RHOBTB1: variants seen among roughly 807,000 people sequenced by gnomAD.
The protein encoded by RHOBTB1 is Rho related BTB domain containing 1, also known as rho-related BTB domain-containing protein 1.
Under a neutral mutation model 71.6 loss-of-function variants are expected in RHOBTB1, and 40 were observed. The observed-to-expected ratio is 0.56, with a 90% CI of 0.43 to 0.73. The LOEUF is 0.73. Among genes scored for constraint, RHOBTB1 ranks in the 30% least tolerant of loss-of-function variants. The probability of loss-of-function intolerance (pLI) is 0.00; values close to 1 mark genes in which losing one functional copy is unlikely to be tolerated. For synonymous variants in RHOBTB1, 319 were observed against 334.9 expected, an observed-to-expected ratio of 0.95 and a Z score of 0.52; for missense variants, 797 against 894.0, an observed-to-expected ratio of 0.89 and a Z score of 1.38.
chr10:60,968,877 CA>C (rs2086061183), intron 2 of RHOBTB1, among the ~76,000 whole-genome samples: 1 of 152,014 alleles, frequency 6.6e-6, no homozygotes, highest in Non-Finnish European at 1.5e-5. Flanking sequence ...AGCGAGACAT[CA>C]GGGGTGTTGG....
chr10:60,938,723 T>C (rs1049672168), intron 2 of RHOBTB1, among the ~76,000 whole-genome samples: 1 of 152,150 alleles, frequency 6.6e-6, no homozygotes, highest in Non-Finnish European at 1.5e-5. Context: ...AAGTGTTGTT[T>C]TTTTGGAGGG....
intron 2 of RHOBTB1, among the ~76,000 whole-genome samples, chr10:60,931,875 T>G (rs1338883299): frequency 6.6e-6 from 1 of 152,062 alleles, no homozygotes; most frequent in Non-Finnish European, 1.5e-5. Flanking sequence ...CACATACAAT[T>G]CTACCTCAAA....
At chr10:60,978,760 T>A (rs2086397361) in intron 2 of RHOBTB1, among the ~76,000 whole-genome samples, 1 of 152,208 alleles carries the variant, frequency 6.6e-6, no homozygotes, top group African/African-American at 2.4e-5. Context: ...TTTCTTTTTT[T>A]AATAGAGCAT....
rs571310374 is a variant in RHOBTB1, at chr10:60,871,302, T to C, written c.*180A>G. The C allele has an allele frequency of 3.5e-6, 2 of 564,464 alleles. No individual in the cohort carries two copies. The highest frequency in any genetic ancestry group is 6.1e-6 in the Non-Finnish European group (2 of 330,496). The allele number at this position is 564,464 out of a possible 1,614,324, so 35.0% of individuals were successfully genotyped here. A position where few individuals can be genotyped will look rare whatever the true frequency, so the allele number is the denominator to read the frequency against. ...AGCTTCCCTTTTTGTCCAGGCTCAT[T>C]GATGGTGAGCTTGTGCTTTGATCCT... On this transcript the variant is annotated 3_prime_UTR_variant, in exon 11 of 11. Coordinates refer to ENST00000337910, the MANE Select transcript of RHOBTB1 (RefSeq NM_014836.5).
intron 7 of RHOBTB1, 101 bp downstream of exon 7, chr10:60,886,011 T>A: frequency 1.2e-6 from 1 of 829,562 alleles, no homozygotes; most frequent in Non-Finnish European, 2.1e-6. Flanking sequence ...ATGGAGCCAG[T>A]TTAAGGATTA....
chr10:60,997,729 G>A (rs575617824), intron 1 of RHOBTB1, among the ~76,000 whole-genome samples: 38 of 152,164 alleles, frequency 2.5e-4, no homozygotes, highest in Non-Finnish European at 4.6e-4. Context: ...ATGTGTCACC[G>A]AAGTTTATAG....
intron 5 of RHOBTB1, among the ~76,000 whole-genome samples, chr10:60,892,272 G>A (rs1455550611): frequency 6.6e-6 from 1 of 152,126 alleles, no homozygotes; most frequent in East Asian, 1.9e-4. Flanking sequence ...CATTTAAAAA[G>A]TAGTAACTGT....
intron 2 of RHOBTB1, among the ~76,000 whole-genome samples, chr10:60,955,991 T>C (rs1436147099): frequency 2.0e-5 from 3 of 152,220 alleles, no homozygotes; most frequent in Admixed American, 1.3e-4. Context: ...AATAGTCTGG[T>C]AATACAGTCA....
At chr10:60,906,744 A>T (rs2082698969) in intron 4 of RHOBTB1, among the ~76,000 whole-genome samples, 1 of 152,188 alleles carries the variant, frequency 6.6e-6, no homozygotes, top group Non-Finnish European at 1.5e-5. Flanking sequence ...CATAGGCTTT[A>T]TTCAGTGTCT....
At position 60,966,304 on chromosome 10, in the gene RHOBTB1, GA is replaced by G. The variant is rs143857492; in HGVS notation, c.-62+19540del. 3.8e-3 allele frequency among the ~76,000 whole-genome samples: 529 copies of G among 137,760 alleles called. 2 individuals are homozygous for G. Among genetic ancestry groups the G allele is most frequent in the African/African-American group, 8.8e-3 (333 of 37,642 alleles). The allele number at this position is 137,760 out of a possible 152,430, so 90.4% of individuals were successfully genotyped here. On this transcript the variant is annotated intron_variant, in intron 2 of 11. Transcript: ENST00000357917. The stretch of plus-strand genomic sequence containing the variant: ...TATCAAAGCAATTCTGATTATATTC[GA>G]AAAAAAAAAAAGCAAAAGTTACTTT...
intron 1 of RHOBTB1, 85 bp from the exon 2 acceptor site, chr10:60,941,939 T>A (rs1206699769): frequency 6.6e-6 from 1 of 152,070 alleles, no homozygotes; most frequent in Non-Finnish European, 1.5e-5. Context: ...ACATACGTTG[T>A]TTTCTCTTTT....
chr10:60,905,454 A>C (rs2082625865), intron 4 of RHOBTB1, among the ~76,000 whole-genome samples: 1 of 150,544 alleles, frequency 6.6e-6, no homozygotes, highest in Non-Finnish European at 1.5e-5. Flanking sequence ...TTTCTCAAAA[A>C]AAAAAAAAAA....
intron 2 of RHOBTB1, among the ~76,000 whole-genome samples, chr10:60,952,218 A>C (rs2085436991): frequency 6.6e-6 from 1 of 152,178 alleles, no homozygotes; most frequent in Non-Finnish European, 1.5e-5. Flanking sequence ...TTATGGTGTT[A>C]TCTGTTCTAC....
intron 2 of RHOBTB1, among the ~76,000 whole-genome samples, chr10:60,977,216 G>T (rs1018927651): frequency 2.1e-4 from 32 of 152,162 alleles, no homozygotes; most frequent in African/African-American, 7.5e-4. Flanking sequence ...TGCTTAGGGA[G>T]CATTTTGAGA....
At chr10:60,997,968 G>A (rs1293637841) in intron 1 of RHOBTB1, among the ~76,000 whole-genome samples, 6 of 152,170 alleles carry the variant, frequency 3.9e-5, no homozygotes, top group Non-Finnish European at 8.8e-5. Context: ...GGTCTGTTTT[G>A]GGGGGCTTCA....
intron 2 of RHOBTB1, among the ~76,000 whole-genome samples, chr10:60,914,129 T>C (rs995171473): frequency 7.2e-5 from 11 of 152,104 alleles, no homozygotes; most frequent in Non-Finnish European, 1.5e-4. Context: ...CACTGAAAAT[T>C]AAAGAATACA....
intron 6 of RHOBTB1, among the ~76,000 whole-genome samples, chr10:60,886,882 T>C (rs2081609772): frequency 6.6e-6 from 1 of 151,672 alleles, no homozygotes; most frequent in Non-Finnish European, 1.5e-5. Context: ...GTATAGACTT[T>C]TTTTTTTTTA....
intron 2 of RHOBTB1, among the ~76,000 whole-genome samples, chr10:60,959,565 A>G (rs929115805): frequency 6.6e-6 from 1 of 152,190 alleles, no homozygotes; most frequent in Non-Finnish European, 1.5e-5. Flanking sequence ...GGCTGAAACA[A>G]AAATGAAACA....
At chr10:60,957,281 A>C (rs558421292) in intron 2 of RHOBTB1, among the ~76,000 whole-genome samples, 3 of 152,202 alleles carry the variant, frequency 2.0e-5, no homozygotes, top group Non-Finnish European at 4.4e-5. Flanking sequence ...TAATTGTATT[A>C]ATATGTTCTA....
Sources: allele counts gnomAD v4.1 joint callset (sites outside exome capture counted in the v4.1 genomes callset), GRCh38; gene constraint gnomAD v4.1.1; transcripts MANE v1.5; gene names NCBI Gene and HGNC (gene_info 2026-07-23, HGNC 2026-07-21).